Variants in ASPH observed in about 807,000 individuals in gnomAD.
ASPH encodes aspartate beta-hydroxylase.
ASPH carries 100 observed loss-of-function variants against 118.4 expected under a neutral mutation model. That is an observed-to-expected ratio of 0.84 (90% confidence interval 0.72 to 1.00). ASPH has a LOEUF of 1.00. Ranked by LOEUF, ASPH falls within the 50% of genes least tolerant of loss-of-function variation. ASPH has a pLI of 0.00. For missense variants in ASPH, 920 were observed against 919.5 expected, an observed-to-expected ratio of 1.00 and a Z score of -0.01; for synonymous variants, 315 against 325.6, an observed-to-expected ratio of 0.97 and a Z score of 0.35.
At chr8:61,699,666 T>A (rs1329125123) in intron 1 of ASPH, among the ~76,000 whole-genome samples, 1 of 151,766 alleles carries the variant, frequency 6.6e-6, no homozygotes, top group African/African-American at 2.4e-5. Context: ...CTAAGAAAAA[T>A]TTTTAAAAAG....
intron 3 of ASPH, among the ~76,000 whole-genome samples, chr8:61,672,525 A>C (rs1425334562): frequency 6.7e-6 from 1 of 150,290 alleles, no homozygotes; most frequent in African/African-American, 2.5e-5. Flanking sequence ...GTTTTTTTTA[A>C]AAAAAAAAAA....
intron 6 of ASPH, among the ~76,000 whole-genome samples, chr8:61,645,949 C>A (rs1479393810): frequency 6.6e-6 from 1 of 152,204 alleles, no homozygotes; most frequent in Non-Finnish European, 1.5e-5. Flanking sequence ...CTTTGGAAAG[C>A]TGAGGCAGGA....
chr8:61,580,472 T>C (rs1487414259), intron 15 of ASPH, among the ~76,000 whole-genome samples: 3 of 152,212 alleles, frequency 2.0e-5, no homozygotes, highest in South Asian at 2.1e-4. Flanking sequence ...TTGAAATCTG[T>C]GTTACTCTTC....
At chr8:61,671,294 C>A (rs1822371736) in intron 3 of ASPH, among the ~76,000 whole-genome samples, 1 of 152,124 alleles carries the variant, frequency 6.6e-6, no homozygotes, top group South Asian at 2.1e-4. Context: ...GCATGCACTA[C>A]TTTTCTCCTT....
At chr8:61,654,894 A>G (rs11992715) in intron 3 of ASPH, among the ~76,000 whole-genome samples, 14,418 of 152,248 alleles carry the variant, frequency 0.095, 760 homozygotes, top group East Asian at 0.12. Flanking sequence ...TTGTAGTTCA[A>G]GTTCAGGGAG....
intron 13 of ASPH, among the ~76,000 whole-genome samples, chr8:61,622,065 C>T (rs907603213): frequency 9.9e-5 from 15 of 152,202 alleles, no homozygotes; most frequent in African/African-American, 3.6e-4. Flanking sequence ...CTCAGCCAGG[C>T]ACAGTGGCTC....
Position 61,637,927 on chromosome 8 carries a change from C to A in ASPH, c.889+20G>T. 6.3e-7 allele frequency: 1 copy of A among 1,599,950 alleles called. No individual in the cohort carries two copies. The stretch of plus-strand genomic sequence containing the variant: ...AATTCTCATATGGAAGGTAAAACCA[C>A]TTCCATAAATTTATCTTACCTTCTA... On this transcript the variant is annotated intron_variant, in intron 12 of 24. Coordinates refer to ENST00000379454, the MANE Select transcript of ASPH (RefSeq NM_004318.4).
chr8:61,567,928 A>G (rs893795863), intron 16 of ASPH, among the ~76,000 whole-genome samples: 2 of 152,230 alleles, frequency 1.3e-5, no homozygotes, highest in African/African-American at 2.4e-5. Flanking sequence ...AGGGCCTGAA[A>G]GAAGAGAGGG....
intron 15 of ASPH, chr8:61,578,381 T>C (rs1015148264): frequency 1.3e-4 from 204 of 1,604,950 alleles, no homozygotes; most frequent in Middle Eastern, 1.9e-4. Context: ...GAGGCGGCTA[T>C]AGTGGGGCCA....
intron 22 of ASPH, among the ~76,000 whole-genome samples, chr8:61,524,496 T>C (rs1022594963): frequency 2.0e-5 from 3 of 152,154 alleles, no homozygotes; most frequent in Non-Finnish European, 4.4e-5. Flanking sequence ...CACAATTCTA[T>C]CACATGTAAG....
At chr8:61,663,420 A>G in intron 3 of ASPH, 1 of 985,428 alleles carries the variant, frequency 1.0e-6, no homozygotes, top group Non-Finnish European at 1.2e-6. Context: ...ACTGGTCTGG[A>G]GCCTGCTGAG....
At chr8:61,682,387 A>G (rs1828518866) in intron 2 of ASPH, 1 of 1,534,034 alleles carries the variant, frequency 6.5e-7, no homozygotes, top group African/African-American at 1.4e-5. Context: ...AAAAAGGATG[A>G]GCCATTAGAG....
intron 1 of ASPH, among the ~76,000 whole-genome samples, chr8:61,688,086 TG>T (rs1563605660): frequency 6.6e-6 from 1 of 152,168 alleles, no homozygotes; most frequent in East Asian, 1.9e-4. Context: ...GATGAACGCA[TG>T]GTAAGACAAA....
At chr8:61,513,077 T>G (rs1338363120) in intron 24 of ASPH, among the ~76,000 whole-genome samples, 10 of 152,234 alleles carry the variant, frequency 6.6e-5, no homozygotes, top group Non-Finnish European at 1.5e-4. Flanking sequence ...TTAAACAGTA[T>G]ACACACTGGT....
intron 3 of ASPH, among the ~76,000 whole-genome samples, chr8:61,666,646 A>T (rs1194807868): frequency 6.6e-6 from 1 of 152,206 alleles, no homozygotes; most frequent in Non-Finnish European, 1.5e-5. Flanking sequence ...AGGCTGTCTA[A>T]TAAAATCTTG....
At chr8:61,707,886 C>T (rs1263206138) in intron 1 of ASPH, among the ~76,000 whole-genome samples, 1 of 152,072 alleles carries the variant, frequency 6.6e-6, no homozygotes, top group Non-Finnish European at 1.5e-5. Flanking sequence ...AGGTATATTT[C>T]TACACATAGG....
chr8:61,591,290 T>G (rs1171664037), intron 14 of ASPH, among the ~76,000 whole-genome samples: 1 of 152,082 alleles, frequency 6.6e-6, no homozygotes, highest in Non-Finnish European at 1.5e-5. Flanking sequence ...ATGAGAAAAT[T>G]ATAAACAACC....
chr8:61,642,993 A>G (rs1202119375), intron 9 of ASPH, 73 bp from the exon 10 acceptor site: 1 of 1,315,118 alleles, frequency 7.6e-7, no homozygotes, highest in African/African-American at 1.5e-5. Flanking sequence ...CAGTTAAAAC[A>G]AAATACTACT....
At chr8:61,580,902 T>C (rs2132386300) in intron 15 of ASPH, among the ~76,000 whole-genome samples, 1 of 152,316 alleles carries the variant, frequency 6.6e-6, no homozygotes, top group African/African-American at 2.4e-5. Context: ...CATTTACAGG[T>C]TCCAGACACA....
Sources: allele counts gnomAD v4.1 joint callset (sites outside exome capture counted in the v4.1 genomes callset), GRCh38; gene constraint gnomAD v4.1.1; transcripts MANE v1.5; gene names NCBI Gene and HGNC (gene_info 2026-07-23, HGNC 2026-07-21).